F5: variants seen among roughly 807,000 people sequenced by gnomAD.
The protein encoded by F5 is activated protein c cofactor.
F5 carries 138 observed loss-of-function variants against 216.4 expected under a neutral mutation model. The observed-to-expected ratio is 0.64, with a 90% CI of 0.56 to 0.73. The LOEUF (loss-of-function observed/expected upper bound fraction) is 0.73, where lower values mean the gene tolerates loss of function less well. Ranked by LOEUF, F5 falls within the 30% of genes least tolerant of loss-of-function variation. The probability of loss-of-function intolerance (pLI) is 0.00; values close to 1 mark genes in which losing one functional copy is unlikely to be tolerated. For synonymous variants in F5, 916 were observed against 930.7 expected, an observed-to-expected ratio of 0.98 and a Z score of 0.29; for missense variants, 2,403 against 2,674.0, an observed-to-expected ratio of 0.90 and a Z score of 2.24.
rs1660970175 is a variant in F5, at chr1:169,580,798, C to T, written c.250+1633G>A. On this transcript the variant is annotated intron_variant, in intron 2 of 24. Coordinates refer to ENST00000367797, the MANE Select transcript of F5 (RefSeq NM_000130.5). ...GGAGAAATATAGATATATAGATATCCATAATACTATGATATATATGATCTA... is the reference window on the plus strand; with the variant it reads ...GGAGAAATATAGATATATAGATATCTATAATACTATGATATATATGATCTA... 2.0e-5 allele frequency among the ~76,000 whole-genome samples: 3 copies of T among 151,842 alleles called. No individual in the cohort carries two copies. The South Asian group carries it at 6.2e-4, about 32-fold the overall frequency.
At chr1:169,530,310 T>C (rs991396660) in intron 15 of F5, among the ~76,000 whole-genome samples, 3 of 152,222 alleles carry the variant, frequency 2.0e-5, no homozygotes, top group African/African-American at 4.8e-5. Flanking sequence ...CTGTGCTCTT[T>C]CCACTATGCC....
intron 13 of F5, 72 bp downstream of exon 13, chr1:169,540,222 C>G (rs1659800786): frequency 2.6e-6 from 4 of 1,532,266 alleles, no homozygotes; most frequent in Non-Finnish European, 3.6e-6. Flanking sequence ...AATTATCCCC[C>G]TGAATTGTAG....
chr1:169,524,083 T>C (rs1444226272), intron 19 of F5, among the ~76,000 whole-genome samples, 179 bp from the exon 20 acceptor site: 2 of 152,228 alleles, frequency 1.3e-5, no homozygotes, highest in Non-Finnish European at 2.9e-5. Context: ...GCTTCAGGTC[T>C]GTGTTTGGTC....
At chr1:169,524,626 A>G (rs1236429949) in intron 19 of F5, among the ~76,000 whole-genome samples, 1 of 152,222 alleles carries the variant, frequency 6.6e-6, no homozygotes, top group Non-Finnish European at 1.5e-5. Context: ...GGCAGTGTTA[A>G]GAGCACACTA....
Position 169,542,666 on chromosome 1 carries a change from G to A in F5, c.2424C>T (p.Ser808=). 6.2e-7 allele frequency: 1 copy of A among 1,614,064 alleles called. No homozygotes were observed. Among genetic ancestry groups the A allele is most frequent in the Non-Finnish European group, 8.5e-7 (1 of 1,179,968 alleles). The change falls in exon 13 of 25, where the codon TCC becomes TCT. Residue 808 remains serine, a synonymous_variant. Coordinates refer to ENST00000367797, the MANE Select transcript of F5 (RefSeq NM_000130.5). ...TCTTGCCAATGAGGTGTCTCAGTGG[G>A]GAACCAGCTGTGGTGGCTTGTTGGT... is the stretch of plus-strand genomic sequence containing the variant. The part of the protein sequence containing the change: ...PSHQQATTAG[S]PLRHLIGKNS...
intron 2 of F5, among the ~76,000 whole-genome samples, chr1:169,578,739 A>G (rs990789237): frequency 1.3e-5 from 2 of 152,182 alleles, no homozygotes; most frequent in Non-Finnish European, 2.9e-5. Flanking sequence ...ATAGGACAGG[A>G]CATCCTTCAA....
intron 6 of F5, 62 bp from the exon 7 acceptor site, chr1:169,555,409 G>T: frequency 6.6e-7 from 1 of 1,509,180 alleles, no homozygotes. Flanking sequence ...TGATTGAAAT[G>T]CATATCCTTT....
intron 2 of F5, among the ~76,000 whole-genome samples, chr1:169,573,778 T>A (rs973297347): frequency 6.6e-6 from 1 of 152,122 alleles, no homozygotes; most frequent in Admixed American, 6.5e-5. Flanking sequence ...AGATGTATGA[T>A]AGGAGCGACT....
chr1:169,550,453 A>G (rs1660142619), intron 9 of F5, among the ~76,000 whole-genome samples, 187 bp downstream of exon 9: 1 of 152,116 alleles, frequency 6.6e-6, no homozygotes, highest in South Asian at 2.1e-4. Flanking sequence ...AAAAGACACC[A>G]TATTTTGTTA....
In F5 at chr1:169,512,660, T is replaced by C. The variant is rs1188633415; in HGVS notation, c.*1653A>G. 6.6e-6 allele frequency among the ~76,000 whole-genome samples: 1 copy of C among 151,990 alleles called. No homozygotes were observed. Among genetic ancestry groups the C allele is most frequent in the Non-Finnish European group, 1.5e-5 (1 of 67,982 alleles). ...CTTAACGGAATGGAAATCTTAGAAA[T>C]GTTGATGGGACAATGACATGAATCA... is the stretch of plus-strand genomic sequence containing the variant. On this transcript the variant is annotated 3_prime_UTR_variant, in exon 25 of 25. Coordinates refer to ENST00000367797, the MANE Select transcript of F5 (RefSeq NM_000130.5).
intron 7 of F5, among the ~76,000 whole-genome samples, chr1:169,554,405 A>C (rs1373521758): frequency 6.6e-6 from 1 of 152,160 alleles, no homozygotes; most frequent in East Asian, 1.9e-4. Flanking sequence ...TTTGATGCTT[A>C]GTATTCCATT....
At position 169,523,875 on chromosome 1, in the gene F5, T is replaced by G. The variant is rs1290422527; in HGVS notation, c.5818A>C (p.Asn1940His). 1 of 1,613,836 alleles carries G rather than the reference T, an allele frequency of 6.2e-7. No homozygotes were observed. Among genetic ancestry groups the G allele is most frequent in the South Asian group, 1.1e-5 (1 of 91,086 alleles). The part of the protein sequence containing the change: ...GYWEPRLARL[N>H]NGGSYNAWSV... ...CAAGCATTATAAGATCCACCATTGT[T>G]TAATCTTGCTAATCTGGGCTCCCAG... The change falls in exon 20 of 25, where the codon AAC becomes CAC. Residue 1940 changes from asparagine to histidine, a missense_variant. Coordinates refer to ENST00000367797, the MANE Select transcript of F5 (RefSeq NM_000130.5).
intron 11 of F5, among the ~76,000 whole-genome samples, 160 bp downstream of exon 11, chr1:169,546,282 T>C (rs1276211720): frequency 5.3e-5 from 8 of 152,170 alleles, no homozygotes; most frequent in Admixed American, 6.6e-5. Flanking sequence ...GTTGCTATGA[T>C]GTCACCCACG....
chr1:169,581,709 G>A (rs1054204817), intron 2 of F5, among the ~76,000 whole-genome samples: 9 of 152,036 alleles, frequency 5.9e-5, no homozygotes, highest in East Asian at 1.9e-4. Context: ...TCATCCCTGC[G>A]GAATATGGTA....
chr1:169,578,352 G>T (rs1362615982), intron 2 of F5, among the ~76,000 whole-genome samples: 1 of 152,212 alleles, frequency 6.6e-6, no homozygotes, highest in Non-Finnish European at 1.5e-5. Context: ...CTCTAACAAG[G>T]TTAAATCAGG....
At chr1:169,572,616 A>G (rs536049377) in intron 2 of F5, among the ~76,000 whole-genome samples, 2 of 152,338 alleles carry the variant, frequency 1.3e-5, no homozygotes, top group Admixed American at 6.5e-5. Flanking sequence ...AGTCTTGCCC[A>G]CTTTGACCCA....
At chr1:169,543,591 A>G (rs1342064172) in intron 12 of F5, among the ~76,000 whole-genome samples, 2 of 152,210 alleles carry the variant, frequency 1.3e-5, no homozygotes, top group Non-Finnish European at 2.9e-5. Context: ...CTATCCCCAC[A>G]AATAAGAGAC....
At chr1:169,517,554 G>A (rs188274433) in intron 23 of F5, among the ~76,000 whole-genome samples, 1 of 152,274 alleles carries the variant, frequency 6.6e-6, no homozygotes, top group Admixed American at 6.5e-5. Context: ...TTAGTTGGCT[G>A]AAGGGATCAT....
chr1:169,517,342 G>A (rs1659184075), intron 23 of F5, among the ~76,000 whole-genome samples: 1 of 152,164 alleles, frequency 6.6e-6, no homozygotes, highest in African/African-American at 2.4e-5. Context: ...GGGCCAGAAT[G>A]AGTTTCAAGA....
Sources: allele counts gnomAD v4.1 joint callset (sites outside exome capture counted in the v4.1 genomes callset), GRCh38; gene constraint gnomAD v4.1.1; transcripts MANE v1.5; gene names NCBI Gene and HGNC (gene_info 2026-07-23, HGNC 2026-07-21).